PTPRE: variants seen among roughly 807,000 people sequenced by gnomAD.
PTPRE encodes the protein receptor-type tyrosine-protein phosphatase epsilon.
In PTPRE, 51 loss-of-function variants were observed where a neutral mutation model predicts 102.0. The observed-to-expected ratio is 0.50, with a 90% CI of 0.40 to 0.63. PTPRE has a LOEUF of 0.63. Among genes scored for constraint, PTPRE ranks in the 30% least tolerant of loss-of-function variants. PTPRE has a pLI of 0.00. For missense variants in PTPRE, 752 were observed against 915.1 expected, an observed-to-expected ratio of 0.82 and a Z score of 2.30; for synonymous variants, 345 against 348.2, an observed-to-expected ratio of 0.99 and a Z score of 0.10.
intron 1 of PTPRE, among the ~76,000 whole-genome samples, chr10:127,973,353 T>G (rs1422616013): frequency 6.6e-6 from 1 of 152,202 alleles, no homozygotes; most frequent in African/African-American, 2.4e-5. Context: ...GACATGTAGC[T>G]TTTCCTCTTC....
Position 128,074,582 on chromosome 10 carries a change from G to A in PTPRE, c.1599+1111G>A, listed in dbSNP as rs560624949. Among the ~76,000 whole-genome samples, 443 of 152,100 alleles carry A rather than the reference G, an allele frequency of 2.9e-3. 4 individuals carry two copies. The highest frequency in any genetic ancestry group is 0.01 in the African/African-American group (421 of 41,482). On this transcript the variant is annotated intron_variant, in intron 17 of 20. Coordinates refer to ENST00000254667, the MANE Select transcript of PTPRE (RefSeq NM_006504.6). ...TTGGGAGGCTGAGGCAGGGAGAATC[G>A]CTTGAACCTGGGAGGCAGAGGTTGC...
intron 2 of PTPRE, among the ~76,000 whole-genome samples, chr10:128,035,524 C>A (rs114570054): frequency 6.6e-6 from 1 of 152,154 alleles, no homozygotes; most frequent in Non-Finnish European, 1.5e-5. Context: ...TCTTTAAGTG[C>A]GGTGGCTTTG....
chr10:128,023,112 A>G (rs1245594595), intron 2 of PTPRE, among the ~76,000 whole-genome samples: 1 of 152,322 alleles, frequency 6.6e-6, no homozygotes, highest in African/African-American at 2.4e-5. Context: ...AGTTTGAGAG[A>G]GAAGAGAGAG....
At chr10:128,069,877 G>T (rs368663307) in intron 13 of PTPRE, 50 bp downstream of exon 13, 5 of 1,613,074 alleles carry the variant, frequency 3.1e-6, no homozygotes, top group South Asian at 1.1e-5. Context: ...AAGCAAACCC[G>T]ATGCCTTCGC....
At chr10:128,041,066 G>A in intron 3 of PTPRE, 76 bp downstream of exon 3, 1 of 1,252,890 alleles carries the variant, frequency 8.0e-7, no homozygotes, top group East Asian at 2.4e-5. Context: ...GGGTGATAAA[G>A]GGGCTTAGGG....
chr10:127,944,984 A>G lies in PTPRE; in HGVS notation c.-30-37290A>G, dbSNP rs1416571639. Among the ~76,000 whole-genome samples, 1 of 152,266 alleles carries G rather than the reference A, an allele frequency of 6.6e-6. No homozygotes were observed. The highest frequency in any genetic ancestry group is 1.9e-4 in the East Asian group (1 of 5,174). On this transcript the variant is annotated intron_variant, in intron 1 of 20. Transcript: ENST00000254667. The surrounding 1 kb of genome is among the most constrained non-coding windows in gnomAD (Gnocchi z 4.2). ...GGGGGGATGGTGGCACCTTCTATCA[A>G]AATAATGGGGGAAAGGAAGAGAAGG...
intron 1 of PTPRE, among the ~76,000 whole-genome samples, chr10:127,917,765 C>T (rs927983724): frequency 6.6e-6 from 1 of 152,118 alleles, no homozygotes; most frequent in Admixed American, 6.5e-5. Flanking sequence ...CACGGTGGCT[C>T]ACACCTGTAA....
rs550649324 is a variant in PTPRE at position 128,084,218 on chromosome 10, G to C, written c.*1312G>C. The C allele has an allele frequency of 4.1e-4, 62 of 151,732 alleles. No homozygotes were observed. Among genetic ancestry groups the C allele is most frequent in the African/African-American group, 1.5e-3 (61 of 41,390 alleles). 9.4% of individuals were successfully genotyped at this position (151,732 alleles called of 1,614,324 possible). A position where few individuals can be genotyped will look rare whatever the true frequency, so the allele number is the denominator to read the frequency against. ...GCAGTTATCTTTCTATGGCCATTAG[G>C]TACCTAGCAGATGTGCACAATATAA... On this transcript the variant is annotated 3_prime_UTR_variant, in exon 21 of 21. Coordinates refer to ENST00000254667, the MANE Select transcript of PTPRE (RefSeq NM_006504.6).
intron 2 of PTPRE, among the ~76,000 whole-genome samples, chr10:127,984,601 C>T (rs764178467): frequency 1.3e-5 from 2 of 152,220 alleles, no homozygotes; most frequent in African/African-American, 2.4e-5. Flanking sequence ...CAAATCTCAT[C>T]TTGAATTGTA....
intron 6 of PTPRE, among the ~76,000 whole-genome samples, chr10:128,053,234 G>C (rs1184931409): frequency 6.6e-6 from 1 of 152,186 alleles, no homozygotes; most frequent in Non-Finnish European, 1.5e-5. Context: ...CTAGGTAACA[G>C]AGTGAGACCC....
intron 1 of PTPRE, among the ~76,000 whole-genome samples, chr10:127,916,383 G>A (rs1438626521): frequency 6.6e-6 from 1 of 152,076 alleles, no homozygotes; most frequent in Non-Finnish European, 1.5e-5. Flanking sequence ...CCTTCCTGTC[G>A]CCTTGTGAAG....
chr10:128,034,578 T>A (rs1161486465), intron 2 of PTPRE, among the ~76,000 whole-genome samples: 2 of 152,046 alleles, frequency 1.3e-5, no homozygotes, highest in Non-Finnish European at 2.9e-5. Context: ...ATCCCTGTAG[T>A]CCCAGCTACT....
intron 1 of PTPRE, among the ~76,000 whole-genome samples, chr10:127,950,537 G>A (rs548777742): frequency 2.6e-5 from 4 of 152,270 alleles, no homozygotes; most frequent in African/African-American, 9.6e-5. Flanking sequence ...CAGATTTCTG[G>A]GGGGAGTGCC....
chr10:128,064,184 G>A (rs1340170735), intron 10 of PTPRE, among the ~76,000 whole-genome samples: 1 of 152,220 alleles, frequency 6.6e-6, no homozygotes, highest in East Asian at 1.9e-4. Context: ...GGTGGCAGGA[G>A]CCCACAGGAA....
At chr10:127,994,932 A>G (rs1230683330) in intron 2 of PTPRE, among the ~76,000 whole-genome samples, 3 of 152,078 alleles carry the variant, frequency 2.0e-5, no homozygotes, top group Non-Finnish European at 2.9e-5. Context: ...GTACCCACCA[A>G]TCCAAGCCAC....
rs1242299698 is a variant in PTPRE, at chr10:127,947,770, C to A, written c.-30-34504C>A. Among the ~76,000 whole-genome samples the A allele has an allele frequency of 2.6e-5, 4 of 152,110 alleles. No individual in the cohort carries two copies. The East Asian group carries it at 7.7e-4, about 29-fold the overall frequency. On this transcript the variant is annotated intron_variant, in intron 1 of 20. Transcript: ENST00000254667. Reference sequence around the variant, plus strand: ...GAGCACATGAGCTCAAGAAAAATCTCGGACTTAAAATTCAGTCTACAAGAG... The same window carrying A: ...GAGCACATGAGCTCAAGAAAAATCTAGGACTTAAAATTCAGTCTACAAGAG...
At chr10:127,983,490 C>T (rs753353063) in intron 2 of PTPRE, among the ~76,000 whole-genome samples, 3 of 152,158 alleles carry the variant, frequency 2.0e-5, no homozygotes, top group Non-Finnish European at 4.4e-5. Context: ...ATGAAATCTA[C>T]AATCCCTGAT....
At chr10:128,021,187 G>A (rs189645064) in intron 2 of PTPRE, among the ~76,000 whole-genome samples, 10 of 152,138 alleles carry the variant, frequency 6.6e-5, no homozygotes, top group Admixed American at 1.3e-4. Flanking sequence ...GAGCCACCGC[G>A]CCCGGCCGAG....
intron 2 of PTPRE, among the ~76,000 whole-genome samples, chr10:128,018,361 C>G (rs1845603027): frequency 6.6e-6 from 1 of 152,216 alleles, no homozygotes; most frequent in African/African-American, 2.4e-5. Context: ...CTGGATGGAC[C>G]CATCTGCACA....
Sources: gnomAD v4.1 joint callset for allele counts (sites outside exome capture counted in the v4.1 genomes callset) on GRCh38, gnomAD v4.1.1 for gene constraint, Gnocchi (gnomAD v3.1) non-coding constraint, MANE v1.5 for transcripts, NCBI Gene and HGNC (gene_info 2026-07-23, HGNC 2026-07-21) for gene names.